CFAP92: variants seen among roughly 807,000 people sequenced by gnomAD.
The protein encoded by CFAP92 is cilia and flagella associated protein 92 (putative), also known as uncharacterized protein CFAP92.
In CFAP92, 86 loss-of-function variants were observed where a neutral mutation model predicts 106.3. That is an observed-to-expected ratio of 0.81 (90% CI 0.68 to 0.97). The LOEUF is 0.97. CFAP92 is among the 50% of genes least tolerant of loss of function. The probability of loss-of-function intolerance (pLI) is 0.00; values close to 1 mark genes in which losing one functional copy is unlikely to be tolerated. For missense variants in CFAP92, 1,204 were observed against 1,283.8 expected (o/e 0.94, Z 0.95); for synonymous variants, 477 against 506.4 (o/e 0.94, Z 0.78).
At chr3:129,000,310 T>G (rs1246906288) in intron 1 of CFAP92, among the ~76,000 whole-genome samples, 1 of 152,240 alleles carries the variant, frequency 6.6e-6, no homozygotes, top group African/African-American at 2.4e-5. Flanking sequence ...CCAGCAGATA[T>G]GTACTCTGGG....
At chr3:128,989,806 C>T (rs563353289) in intron 2 of CFAP92, among the ~76,000 whole-genome samples, 53 of 152,326 alleles carry the variant, frequency 3.5e-4, no homozygotes, top group Admixed American at 2.6e-3. Context: ...AGCATTTGTG[C>T]AGAGATTGGA....
intron 12 of CFAP92, among the ~76,000 whole-genome samples, chr3:128,918,453 A>G (rs1047112948): frequency 6.6e-6 from 1 of 152,250 alleles, no homozygotes; most frequent in Non-Finnish European, 1.5e-5. Flanking sequence ...AGCCTGGGTG[A>G]CAGAGCCAGA....
At chr3:128,948,350 A>G (rs1351226262) in intron 9 of CFAP92, among the ~76,000 whole-genome samples, 1 of 139,348 alleles carries the variant, frequency 7.2e-6, no homozygotes, top group African/African-American at 2.6e-5. Context: ...GTGTGCTACC[A>G]TGCCCCACTA....
chr3:128,961,454 T>C (rs1413273892), intron 9 of CFAP92, among the ~76,000 whole-genome samples: 1 of 151,732 alleles, frequency 6.6e-6, no homozygotes, highest in Non-Finnish European at 1.5e-5. Flanking sequence ...CTCCACCCTA[T>C]AATCCTTTTA....
intron 9 of CFAP92, among the ~76,000 whole-genome samples, chr3:128,958,678 A>G (rs1342754519): frequency 1.3e-5 from 2 of 152,184 alleles, no homozygotes; most frequent in Non-Finnish European, 2.9e-5. Context: ...CGGCAGGAGG[A>G]TCACTTGATC....
the CFAP92 span, among the ~76,000 whole-genome samples, chr3:129,011,930 A>G: frequency 6.6e-6 from 1 of 152,196 alleles, no homozygotes; most frequent in African/African-American, 2.4e-5. Context: ...AGGGATGGTA[A>G]TCTGCCCAGG....
At chr3:129,021,662 T>C in the CFAP92 span, among the ~76,000 whole-genome samples, 1 of 152,196 alleles carries the variant, frequency 6.6e-6, no homozygotes, top group East Asian at 1.9e-4. Flanking sequence ...TATCAATCCA[T>C]CTATCAATCT....
intron 12 of CFAP92, among the ~76,000 whole-genome samples, chr3:128,927,563 TACAAA>T (rs1196917395): frequency 6.6e-6 from 1 of 150,944 alleles, no homozygotes; most frequent in Non-Finnish European, 1.5e-5. Flanking sequence ...CTAGTAAAAA[TACAAA>T]ACAAAATTAG....
intron 12 of CFAP92, among the ~76,000 whole-genome samples, chr3:128,927,503 C>T (rs1417879624): frequency 3.3e-5 from 5 of 151,580 alleles, no homozygotes; most frequent in Admixed American, 1.3e-4. Flanking sequence ...GGTGGATCAA[C>T]GAGGTCAGGA....
At chr3:128,960,347 CT>C (rs1281418132) in intron 9 of CFAP92, among the ~76,000 whole-genome samples, 1 of 152,220 alleles carries the variant, frequency 6.6e-6, no homozygotes, top group Admixed American at 6.5e-5. Context: ...CCTCTATGAC[CT>C]CAGGTCCTCA....
At chr3:129,003,396 G>A, upstream of CFAP92, 1 of 620,962 alleles carries the variant, frequency 1.6e-6, no homozygotes, top group Non-Finnish European at 2.0e-6. Flanking sequence ...GCAGGCACGG[G>A]GAGGGCTGGA....
At chr3:128,958,068 T>G (rs1020015868) in intron 9 of CFAP92, among the ~76,000 whole-genome samples, 1 of 152,224 alleles carries the variant, frequency 6.6e-6, no homozygotes, top group Non-Finnish European at 1.5e-5. Flanking sequence ...TGTCTGTCTC[T>G]GGGTCCAATT....
the CFAP92 span, among the ~76,000 whole-genome samples, chr3:129,011,841 C>G: frequency 6.6e-6 from 1 of 152,304 alleles, no homozygotes; most frequent in South Asian, 2.1e-4. Flanking sequence ...CTTTGCACCC[C>G]TCCCAGAGAG....
chr3:129,002,411 G>A (rs1030908341), intron 1 of CFAP92: 15 of 1,433,022 alleles, frequency 1.0e-5, no homozygotes, highest in Non-Finnish European at 1.4e-5. Context: ...CGACAGGACA[G>A]AGTCAGAGGA....
chr3:128,991,577 C>T (rs1944219228), intron 2 of CFAP92: 1 of 161,246 alleles, frequency 6.2e-6, no homozygotes, highest in Admixed American at 6.5e-5. Flanking sequence ...AAGAGGCCAT[C>T]CGGGTACAGC....
chr3:128,986,238 T>C lies in CFAP92; in HGVS notation c.667+1378A>G, dbSNP rs1380724796. ...TTGATTCTAATATGTACATCTGTTT[T>C]ACTTTTTTTTTTTTTTTTTGAGATA... On this transcript the variant is annotated intron_variant, in intron 4 of 15. Transcript: ENST00000645291. 5.5e-5 allele frequency among the ~76,000 whole-genome samples: 8 copies of C among 144,276 alleles called. No homozygotes were observed. In the East Asian group the frequency reaches 1.5e-3, roughly 28 times the overall value. 94.7% of individuals were successfully genotyped at this position (144,276 alleles called of 152,430 possible). A position where few individuals can be genotyped will look rare whatever the true frequency, so the allele number is the denominator to read the frequency against.
chr3:128,985,064 GA>G (rs1943769338), intron 4 of CFAP92, among the ~76,000 whole-genome samples: 1 of 152,176 alleles, frequency 6.6e-6, no homozygotes, highest in African/African-American at 2.4e-5. Flanking sequence ...TTTACAAAGT[GA>G]ATTCGCACTG....
intron 9 of CFAP92, among the ~76,000 whole-genome samples, chr3:128,963,928 C>A (rs1264576812): frequency 1.3e-5 from 2 of 152,038 alleles, no homozygotes; most frequent in East Asian, 3.8e-4. Context: ...ACTCAACATG[C>A]CCGAGTCAGG....
chr3:128,953,890 G>A (rs1371722266), intron 9 of CFAP92, among the ~76,000 whole-genome samples: 3 of 116,354 alleles, frequency 2.6e-5, no homozygotes, highest in Non-Finnish European at 4.7e-5. Flanking sequence ...TGCAGACGGA[G>A]TCTCGTTCAC....
Sources: gnomAD v4.1 joint callset for allele counts (sites outside exome capture counted in the v4.1 genomes callset) on GRCh38, gnomAD v4.1.1 for gene constraint, MANE v1.5 for transcripts, NCBI Gene and HGNC (gene_info 2026-07-23, HGNC 2026-07-21) for gene names.